UBR2: variants seen among roughly 807,000 people sequenced by gnomAD.
UBR2 encodes E3 ubiquitin-protein ligase UBR2.
In UBR2, 92 loss-of-function variants were observed where a neutral mutation model predicts 247.9. The observed-to-expected ratio is 0.37, with a 90% CI of 0.31 to 0.44. The LOEUF (loss-of-function observed/expected upper bound fraction) is 0.44. Among genes scored for constraint, UBR2 ranks in the 20% least tolerant of loss-of-function variants. The pLI, the probability that UBR2 is intolerant of heterozygous loss-of-function variation, is 1.00. For synonymous variants in UBR2, 672 were observed against 693.5 expected, an observed-to-expected ratio of 0.97 and a Z score of 0.49; for missense variants, 1,613 against 2,112.6, an observed-to-expected ratio of 0.76 and a Z score of 4.64.
In UBR2 at chr6:42,644,474, A is replaced by T; in HGVS notation, c.2222A>T (p.Asp741Val). 1.9e-6 allele frequency: 3 copies of T among 1,611,794 alleles called. No individual in the cohort carries two copies. The highest frequency in any genetic ancestry group is 2.5e-6 in the Non-Finnish European group (3 of 1,179,120). Residue 741 changes from aspartate to valine, a missense_variant and splice_region_variant, in exon 20 of 47, where the codon GAT (aspartate) becomes GTT (valine). Asp to Val is a radical substitution (Grantham distance 152). This residue lies in a region of UBR2 where 1,524 missense variants were observed against 1,967.3 expected (regional missense o/e 0.77). Coordinates refer to ENST00000372901, the MANE Select transcript of UBR2 (RefSeq NM_001363705.2). ...TTTATCTTCCCTCACTTGTTATAGG[A>T]TGTTGTTCAGCAGAACAATACTCTA... ...KRFSSEITHK[D>V]VVQQNNTLIE...
At chr6:42,584,051 G>A (rs1464867481) in intron 2 of UBR2, among the ~76,000 whole-genome samples, 9 of 144,264 alleles carry the variant, frequency 6.2e-5, no homozygotes, top group African/African-American at 2.3e-4. Context: ...AGGCTGGAGT[G>A]TAATGGCGCT....
intron 1 of UBR2, among the ~76,000 whole-genome samples, chr6:42,567,909 T>C (rs1562270019): frequency 6.6e-6 from 1 of 152,050 alleles, no homozygotes; most frequent in Non-Finnish European, 1.5e-5. Flanking sequence ...AAGCTGGGTG[T>C]GGTGGCATGA....
intron 21 of UBR2, among the ~76,000 whole-genome samples, chr6:42,646,668 G>A (rs1796770585): frequency 1.3e-5 from 2 of 151,924 alleles, no homozygotes; most frequent in South Asian, 4.2e-4. Flanking sequence ...ACAATACCCA[G>A]GACAACCCCC....
chr6:42,668,289 G>A (rs189991370), intron 34 of UBR2, among the ~76,000 whole-genome samples: 28 of 152,230 alleles, frequency 1.8e-4, no homozygotes, highest in African/African-American at 6.7e-4. Flanking sequence ...TTTCATGTTC[G>A]AAAATATGTT....
Position 42,629,102 on chromosome 6 carries a change from C to T in UBR2, c.1282-3450C>T, listed in dbSNP as rs192630082. Among the ~76,000 whole-genome samples the T allele has an allele frequency of 1.5e-3, 233 of 152,090 alleles. 7 individuals are homozygous for T. In the East Asian group the frequency reaches 0.033, roughly 21 times the overall value. On this transcript the variant is annotated intron_variant, in intron 11 of 46. Transcript: ENST00000372901. ...CATGATCTGGGCTCACTGCAACCTC[C>T]GCCTCCTGGGTTCAAGCAGTTCTCC...
chr6:42,653,331 C>T (rs1025642425), intron 25 of UBR2, among the ~76,000 whole-genome samples: 2 of 152,190 alleles, frequency 1.3e-5, no homozygotes, highest in Non-Finnish European at 2.9e-5. Context: ...AATCCTCCCC[C>T]CTCGGCCTCC....
At chr6:42,670,390 G>A in intron 35 of UBR2, 150 bp downstream of exon 35, 1 of 1,033,744 alleles carries the variant, frequency 9.7e-7, no homozygotes, top group South Asian at 1.8e-5. Context: ...GTAATGTACT[G>A]ACAAAATACT....
At chr6:42,667,585 G>GTTTTT (rs201449841) in intron 34 of UBR2, among the ~76,000 whole-genome samples, 1 of 28,988 alleles carries the variant, frequency 3.4e-5, no homozygotes, top group Non-Finnish European at 6.6e-5. Context: ...GTACAGTTTT[G>GTTTTT]TCTTTTTTTT....
At chr6:42,650,411 G>A (rs1487721601) in intron 23 of UBR2, 25 bp downstream of exon 23, 3 of 1,577,748 alleles carry the variant, frequency 1.9e-6, no homozygotes, top group Admixed American at 3.4e-5. Context: ...TAAAAATGTA[G>A]CAGGGAAGGA....
chr6:42,642,742 G>A (rs1796520423), intron 18 of UBR2, among the ~76,000 whole-genome samples: 1 of 152,028 alleles, frequency 6.6e-6, no homozygotes, highest in African/African-American at 2.4e-5. Flanking sequence ...CCCTACCTTG[G>A]TGAATTGTTC....
chr6:42,628,075 C>T (rs1435247290), intron 11 of UBR2, among the ~76,000 whole-genome samples: 1 of 152,130 alleles, frequency 6.6e-6, no homozygotes, highest in East Asian at 1.9e-4. Flanking sequence ...GAGGGAAAAG[C>T]AGCTGCAGAA....
In UBR2 at chr6:42,689,799, G is replaced by A. The variant is rs999134238; in HGVS notation, c.5126+129G>A. On this transcript the variant is annotated intron_variant, in intron 46 of 46. Transcript: ENST00000372901. The surrounding 1 kb of genome is among the most constrained non-coding windows in gnomAD (Gnocchi z 4.0). ...TGTGTTATCTGTGGAGTCTTCCAAG[G>A]AGGGTGCCCTGTCAGCCTGGTTTGG... The A allele has an allele frequency of 9.9e-6, 8 of 805,496 alleles. No homozygotes were observed. The highest frequency in any genetic ancestry group is 1.7e-5 in the African/African-American group (1 of 58,236). 49.9% of individuals were successfully genotyped at this position (805,496 alleles called of 1,614,324 possible).
chr6:42,679,581 A>T (rs1798910299), intron 41 of UBR2, 143 bp from the exon 42 acceptor site: 1 of 664,126 alleles, frequency 1.5e-6, no homozygotes, highest in Non-Finnish European at 2.6e-6. Context: ...TCCATGTGCC[A>T]TTCTGTTAAC....
intron 4 of UBR2, among the ~76,000 whole-genome samples, chr6:42,599,179 A>C (rs1339511931): frequency 6.6e-6 from 1 of 152,186 alleles, no homozygotes; most frequent in East Asian, 1.9e-4. Context: ...TTCACTCACA[A>C]ATGCTGCTCC....
At chr6:42,655,349 G>A (rs1797377381) in intron 25 of UBR2, among the ~76,000 whole-genome samples, 2 of 151,374 alleles carry the variant, frequency 1.3e-5, no homozygotes, top group Middle Eastern at 3.4e-3. Flanking sequence ...GTGGTGGCAC[G>A]CGCCTGTAGT....
Position 42,670,084 on chromosome 6 carries a change from T to C in UBR2, c.3882-8T>C. Reference sequence around the variant, plus strand: ...GTTCTGAGCTAATTTTATACATGTTTACTTCAGGATCCCTTATTCTGAGAG... The same window carrying C: ...GTTCTGAGCTAATTTTATACATGTTCACTTCAGGATCCCTTATTCTGAGAG... On this transcript the variant is annotated splice_polypyrimidine_tract_variant and splice_region_variant and intron_variant, in intron 34 of 46. Transcript: ENST00000372901. 4 of 1,613,436 alleles carry C rather than the reference T, an allele frequency of 2.5e-6. No homozygotes were observed. Among genetic ancestry groups the C allele is most frequent in the Non-Finnish European group, 3.4e-6 (4 of 1,179,466 alleles).
intron 4 of UBR2, among the ~76,000 whole-genome samples, chr6:42,594,545 A>G (rs78142244): frequency 0.021 from 3,130 of 152,230 alleles, 124 homozygotes; most frequent in African/African-American, 0.071. Flanking sequence ...TTTTAAGCAT[A>G]CTTGAAGTTT....
intron 34 of UBR2, among the ~76,000 whole-genome samples, chr6:42,669,441 A>G (rs1798308126): frequency 6.6e-6 from 1 of 152,086 alleles, no homozygotes; most frequent in African/African-American, 2.4e-5. Flanking sequence ...TCTTTGAGGT[A>G]GTTCTGTTAG....
chr6:42,566,234 T>C (rs1790770548), intron 1 of UBR2, among the ~76,000 whole-genome samples: 1 of 152,212 alleles, frequency 6.6e-6, no homozygotes, highest in East Asian at 1.9e-4. Context: ...ATAAAAGTAG[T>C]GCGGGAGGCC....
Sources: allele counts gnomAD v4.1 joint callset (sites outside exome capture counted in the v4.1 genomes callset), GRCh38; gene constraint gnomAD v4.1.1; regional missense constraint gnomAD v4.1.1; non-coding constraint Gnocchi (gnomAD v3.1); transcripts MANE v1.5; gene names NCBI Gene and HGNC (gene_info 2026-07-23, HGNC 2026-07-21).